Variants in RNF216 observed in about 807,000 individuals in gnomAD.
RNF216 encodes the protein E3 ubiquitin-protein ligase RNF216.
A neutral mutation model predicts 110.8 loss-of-function variants in RNF216; 72 were observed. The ratio of observed to expected loss-of-function variants is 0.65; its 90% CI spans 0.54 to 0.79. RNF216 has a LOEUF of 0.79. Among genes scored for constraint, RNF216 ranks in the 30% least tolerant of loss-of-function variants. The pLI is 0.00. For synonymous variants in RNF216, 495 were observed against 407.5 expected, an observed-to-expected ratio of 1.21 and a Z score of -2.59; for missense variants, 1,342 against 1,141.2, an observed-to-expected ratio of 1.18 and a Z score of -2.54.
At chr7:5,630,455 G>A (rs1787001102) in intron 15 of RNF216, among the ~76,000 whole-genome samples, 1 of 152,074 alleles carries the variant, frequency 6.6e-6, no homozygotes, top group African/African-American at 2.4e-5. Context: ...ATAGCTCACT[G>A]CAGCCTTGAA....
chr7:5,725,006 T>G (rs1223642268), intron 8 of RNF216, among the ~76,000 whole-genome samples: 1 of 152,206 alleles, frequency 6.6e-6, no homozygotes, highest in African/African-American at 2.4e-5. Flanking sequence ...ACACAGCCAA[T>G]TCGCATCAAA....
At chr7:5,689,879 T>C (rs1791219455) in intron 13 of RNF216, among the ~76,000 whole-genome samples, 1 of 148,978 alleles carries the variant, frequency 6.7e-6, no homozygotes, top group African/African-American at 2.5e-5. Context: ...GGCGGGGGGT[T>C]GCAGTGAGCC....
intron 15 of RNF216, among the ~76,000 whole-genome samples, chr7:5,639,614 C>T (rs1787609046): frequency 6.6e-6 from 1 of 152,022 alleles, no homozygotes; most frequent in African/African-American, 2.4e-5. Flanking sequence ...GCATCCAACA[C>T]CATGCCCGGC....
chr7:5,654,909 G>A (rs1452001724), intron 13 of RNF216, among the ~76,000 whole-genome samples: 6 of 151,820 alleles, frequency 4.0e-5, no homozygotes, highest in Non-Finnish European at 8.8e-5. Context: ...ATTTTTATAA[G>A]AAACAAACCC....
At chr7:5,706,414 G>T (rs1213637368) in intron 13 of RNF216, among the ~76,000 whole-genome samples, 2 of 152,060 alleles carry the variant, frequency 1.3e-5, no homozygotes, top group East Asian at 3.8e-4. Context: ...TGGCACCCAG[G>T]GTTCTACTTT....
chr7:5,724,032 T>C (rs1793604403), intron 8 of RNF216, among the ~76,000 whole-genome samples: 2 of 152,114 alleles, frequency 1.3e-5, no homozygotes, highest in East Asian at 3.9e-4. Context: ...AACAAGAAAC[T>C]GAATCAAATG....
At chr7:5,770,678 T>G (rs1347788952) in intron 1 of RNF216, among the ~76,000 whole-genome samples, 3 of 151,954 alleles carry the variant, frequency 2.0e-5, no homozygotes, top group African/African-American at 7.3e-5. Flanking sequence ...AAAGCATTCA[T>G]GGAGAAAAAC....
intron 13 of RNF216, among the ~76,000 whole-genome samples, chr7:5,672,126 T>C (rs1260892555): frequency 6.6e-6 from 1 of 152,264 alleles, no homozygotes; most frequent in East Asian, 1.9e-4. Context: ...CTGTGCCCTC[T>C]GATCTTCTTC....
intron 8 of RNF216, among the ~76,000 whole-genome samples, chr7:5,724,723 T>C (rs1168065361): frequency 6.6e-6 from 1 of 152,144 alleles, no homozygotes; most frequent in Non-Finnish European, 1.5e-5. Context: ...TAAGTACACA[T>C]GTAACAGAAA....
intron 15 of RNF216, among the ~76,000 whole-genome samples, chr7:5,640,700 C>G (rs1313321670): frequency 1.2e-4 from 18 of 152,214 alleles, no homozygotes; most frequent in Admixed American, 1.0e-3. Flanking sequence ...CATTGCATTT[C>G]TAGAACAAAC....
chr7:5,781,050 T>A (rs1417612459), intron 1 of RNF216, among the ~76,000 whole-genome samples: 2 of 152,074 alleles, frequency 1.3e-5, no homozygotes, highest in African/African-American at 4.8e-5. Context: ...CGGGTGACAG[T>A]CGCCAACTTT....
At chr7:5,675,077 A>G (rs1790192059) in intron 13 of RNF216, among the ~76,000 whole-genome samples, 1 of 152,240 alleles carries the variant, frequency 6.6e-6, no homozygotes, top group Non-Finnish European at 1.5e-5. Context: ...CCAGCTTCAT[A>G]TGTAACTAAA....
At chr7:5,655,004 A>G (rs1584386890) in intron 13 of RNF216, among the ~76,000 whole-genome samples, 1 of 152,218 alleles carries the variant, frequency 6.6e-6, no homozygotes, top group African/African-American at 2.4e-5. Context: ...CCTCTAAAAC[A>G]ATGCCAACCC....
At chr7:5,636,609 G>T (rs770679495) in intron 15 of RNF216, among the ~76,000 whole-genome samples, 1 of 152,192 alleles carries the variant, frequency 6.6e-6, no homozygotes, top group Admixed American at 6.5e-5. Context: ...ATGGCTTTGT[G>T]TTCTCAGAAG....
At chr7:5,765,404 C>A (rs185934773) in intron 1 of RNF216, among the ~76,000 whole-genome samples, 1 of 151,952 alleles carries the variant, frequency 6.6e-6, no homozygotes, top group African/African-American at 2.4e-5. Context: ...GTGGAGGTTG[C>A]AGTGAGCTGA....
intron 13 of RNF216, among the ~76,000 whole-genome samples, chr7:5,662,950 C>T (rs1047258476): frequency 3.3e-5 from 5 of 152,138 alleles, no homozygotes; most frequent in East Asian, 1.9e-4. Context: ...CAGGACAGAG[C>T]GCTCAGAGAA....
chr7:5,776,899 C>CAAAAAAA (rs754872404), intron 1 of RNF216, among the ~76,000 whole-genome samples: 1 of 83,594 alleles, frequency 1.2e-5, no homozygotes, highest in Non-Finnish European at 2.1e-5. Flanking sequence ...AGACTCTGTC[C>CAAAAAAA]AAAAAAAAAA....
chr7:5,676,207 T>TC (rs1489952756), intron 13 of RNF216, among the ~76,000 whole-genome samples: 1 of 152,078 alleles, frequency 6.6e-6, no homozygotes, highest in East Asian at 1.9e-4. Context: ...AGATAGGGTT[T>TC]TGCCATGTTG....
intron 13 of RNF216, among the ~76,000 whole-genome samples, chr7:5,666,416 G>T (rs1184750340): frequency 6.6e-6 from 1 of 152,186 alleles, no homozygotes; most frequent in Non-Finnish European, 1.5e-5. Context: ...GAAAGGCGAG[G>T]GAGAGAGTCT....
Sources: gnomAD v4.1 joint callset for allele counts (sites outside exome capture counted in the v4.1 genomes callset) on GRCh38, gnomAD v4.1.1 for gene constraint, MANE v1.5 for transcripts, NCBI Gene and HGNC (gene_info 2026-07-23, HGNC 2026-07-21) for gene names.